Variants in C10orf67 observed in about 807,000 individuals in gnomAD.
The protein encoded by C10orf67 is chromosome 10 open reading frame 67.
C10orf67 carries 60 observed loss-of-function variants against 35.6 expected under a neutral mutation model. The observed-to-expected ratio is 1.68, with a 90% CI of 1.37 to 2.09. The LOEUF (loss-of-function observed/expected upper bound fraction) is 2.09. Among genes scored for constraint, C10orf67 ranks in the 30% most tolerant of loss-of-function variants. The pLI is 0.00. For missense variants in C10orf67, 474 were observed against 330.2 expected (o/e 1.44, Z -3.38); for synonymous variants, 167 against 115.8 (o/e 1.44, Z -2.84).
chr10:23,302,627 T>C (rs1844121141), intron 5 of C10orf67, among the ~76,000 whole-genome samples: 1 of 152,238 alleles, frequency 6.6e-6, no homozygotes, highest in Non-Finnish European at 1.5e-5. Context: ...TGGACCATGG[T>C]TGGGCCTGGG....
intron 4 of C10orf67, among the ~76,000 whole-genome samples, chr10:23,313,859 C>A (rs1211815556): frequency 2.0e-5 from 3 of 152,002 alleles, no homozygotes; most frequent in African/African-American, 4.8e-5. Flanking sequence ...TTAAACAGGG[C>A]AGGATATGGT....
chr10:23,266,790 C>T (rs1009977474), intron 9 of C10orf67, among the ~76,000 whole-genome samples: 1 of 152,150 alleles, frequency 6.6e-6, no homozygotes, highest in Non-Finnish European at 1.5e-5. Flanking sequence ...ATGAGGATAT[C>T]AGGATGCACT....
chr10:23,315,496 T>G (rs908052570), intron 4 of C10orf67, among the ~76,000 whole-genome samples: 1 of 151,886 alleles, frequency 6.6e-6, no homozygotes, highest in Non-Finnish European at 1.5e-5. Flanking sequence ...TGGAGTGCAG[T>G]GGCATGATCA....
At chr10:23,220,884 G>T (rs1456810468) in intron 15 of C10orf67, among the ~76,000 whole-genome samples, 1 of 152,178 alleles carries the variant, frequency 6.6e-6, no homozygotes, top group African/African-American at 2.4e-5. Context: ...ATGCCAATAT[G>T]AGGATTCTGT....
At chr10:23,282,710 A>G (rs1843404128) in intron 7 of C10orf67, among the ~76,000 whole-genome samples, 1 of 152,206 alleles carries the variant, frequency 6.6e-6, no homozygotes, top group Non-Finnish European at 1.5e-5. Flanking sequence ...ATGTGCCTGT[A>G]ATCCAAGCTA....
At position 23,336,504 on chromosome 10, in the gene C10orf67, C is replaced by A. The variant is rs1020654088; in HGVS notation, c.207-3322G>T. The stretch of plus-strand genomic sequence containing the variant: ...ACTCAGATGTTGGTTTCTTTTCTTT[C>A]TTCTCCTTTTTGTTTCAGTATATTT... On this transcript the variant is annotated intron_variant, in intron 1 of 15. Transcript: ENST00000636213. Among the ~76,000 whole-genome samples the A allele has an allele frequency of 2.6e-5, 4 of 152,112 alleles. No homozygotes were observed. In the East Asian group the frequency reaches 7.7e-4, roughly 29 times the overall value.
intron 1 of C10orf67, chr10:23,343,963 C>G: frequency 2.1e-6 from 1 of 465,814 alleles, no homozygotes; most frequent in South Asian, 1.6e-5. Flanking sequence ...GATCTTCCGG[C>G]CCTCCTCTGT....
intron 1 of C10orf67, 55 bp downstream of exon 1, chr10:23,344,514 G>C (rs1010826455): frequency 1.5e-4 from 227 of 1,493,876 alleles, no homozygotes; most frequent in Non-Finnish European, 2.0e-4. Flanking sequence ...GCCTCCCGCC[G>C]TGCCCCTGGA....
At position 23,203,510 on chromosome 10, in the gene C10orf67, T is replaced by C. The variant is rs1475677278; in HGVS notation, c.*663A>G. 4 of 152,142 alleles carry C rather than the reference T, an allele frequency of 2.6e-5. No homozygotes were observed. The highest frequency in any genetic ancestry group is 5.9e-5 in the Non-Finnish European group (4 of 68,036). 9.4% of individuals were successfully genotyped at this position (152,142 alleles called of 1,614,324 possible). On this transcript the variant is annotated 3_prime_UTR_variant, in exon 16 of 16. Coordinates refer to ENST00000636213, the MANE Select transcript of C10orf67 (RefSeq NM_001371909.1). ...AGTTAGGGGAATAGAAAGAACCAAG[T>C]TGGACATTACGCATGGAAGAAAAGC... is the stretch of plus-strand genomic sequence containing the variant.
intron 12 of C10orf67, among the ~76,000 whole-genome samples, chr10:23,245,575 C>T (rs1032998592): frequency 6.6e-6 from 1 of 152,166 alleles, no homozygotes; most frequent in African/African-American, 2.4e-5. Flanking sequence ...CCAAAGAAGA[C>T]ACACAAATGG....
intron 5 of C10orf67, among the ~76,000 whole-genome samples, chr10:23,299,652 T>C (rs1844002777): frequency 6.6e-6 from 1 of 152,106 alleles, no homozygotes. Flanking sequence ...TAGTGACAGA[T>C]CTGGAGGACA....
intron 12 of C10orf67, among the ~76,000 whole-genome samples, chr10:23,245,407 C>T (rs1649649083): frequency 6.6e-6 from 1 of 152,220 alleles, no homozygotes; most frequent in East Asian, 1.9e-4. Flanking sequence ...AAGAAAACAA[C>T]AAAATGAAAA....
chr10:23,246,209 G>A (rs547637865), intron 12 of C10orf67, among the ~76,000 whole-genome samples: 2 of 152,214 alleles, frequency 1.3e-5, no homozygotes, highest in African/African-American at 2.4e-5. Context: ...GAGGGTGGAG[G>A]TTTGGAGGAG....
chr10:23,343,192 G>T (rs1156747268), intron 1 of C10orf67, among the ~76,000 whole-genome samples: 1 of 152,184 alleles, frequency 6.6e-6, no homozygotes, highest in Non-Finnish European at 1.5e-5. Context: ...GAAAATTCAT[G>T]TTGAAATCCT....
At chr10:23,328,642 C>G (rs140859961) in intron 2 of C10orf67, among the ~76,000 whole-genome samples, 1 of 149,206 alleles carries the variant, frequency 6.7e-6, no homozygotes, top group African/African-American at 2.5e-5. Context: ...AAACACGGAG[C>G]TATATGCTAT....
intron 10 of C10orf67, among the ~76,000 whole-genome samples, chr10:23,258,864 C>T (rs183990664): frequency 1.4e-4 from 22 of 152,288 alleles, no homozygotes; most frequent in Admixed American, 1.4e-3. Flanking sequence ...AATGTGTTGC[C>T]TTCACCATCC....
At chr10:23,223,988 A>G (rs1186892460) in intron 13 of C10orf67, among the ~76,000 whole-genome samples, 170 bp from the exon 14 acceptor site, 1 of 152,210 alleles carries the variant, frequency 6.6e-6, no homozygotes, top group Non-Finnish European at 1.5e-5. Context: ...AATGGGATAG[A>G]GCCTCTTTCT....
rs112446589 is a variant in C10orf67, at chr10:23,330,632, C to T, written c.327+2430G>A. On this transcript the variant is annotated intron_variant, in intron 2 of 15. Transcript: ENST00000636213. Reference sequence around the variant, plus strand: ...GCCGGCGCCTGTAGTCCCAGCTACTCGGGAGGCTGAGGCAGGTGAATGGCG... The same window carrying T: ...GCCGGCGCCTGTAGTCCCAGCTACTTGGGAGGCTGAGGCAGGTGAATGGCG... Among the ~76,000 whole-genome samples the T allele has an allele frequency of 2.1e-3, 314 of 151,392 alleles. 1 individual carries two copies. The highest frequency in any genetic ancestry group is 7.1e-3 in the African/African-American group (292 of 41,232).
rs977861066 is a variant in C10orf67 at position 23,301,940 on chromosome 10, C to T, written c.702+1364G>A. Among the ~76,000 whole-genome samples the T allele has an allele frequency of 3.9e-5, 6 of 152,194 alleles. 1 individual carries two copies. In the East Asian group the frequency reaches 7.7e-4, roughly 20 times the overall value. ...TGATCGGGAGCGGCAATGGGCGCCCCGCTGGATCAGGAGCACAGCAGACAT... is the reference window on the plus strand; with the variant it reads ...TGATCGGGAGCGGCAATGGGCGCCCTGCTGGATCAGGAGCACAGCAGACAT... On this transcript the variant is annotated intron_variant, in intron 5 of 15. Coordinates refer to ENST00000636213, the MANE Select transcript of C10orf67 (RefSeq NM_001371909.1).
Sources: gnomAD v4.1 joint callset for allele counts (sites outside exome capture counted in the v4.1 genomes callset) on GRCh38, gnomAD v4.1.1 for gene constraint, MANE v1.5 for transcripts, NCBI Gene and HGNC (gene_info 2026-07-23, HGNC 2026-07-21) for gene names.